The following ANGPT1 variants were observed in gnomAD, a reference collection of about 807,000 sequenced individuals.
The protein encoded by ANGPT1 is angiopoietin-1.
Under a neutral mutation model 62.2 loss-of-function variants are expected in ANGPT1, and 17 were observed. The observed-to-expected ratio is 0.27, with a 90% CI of 0.19 to 0.41. The LOEUF (loss-of-function observed/expected upper bound fraction) is 0.41. ANGPT1 is among the 10% of genes least tolerant of loss of function. ANGPT1 has a pLI of 1.00. For synonymous variants in ANGPT1, 199 were observed against 198.9 expected (o/e 1.00, Z 0.00); for missense variants, 478 against 594.9 (o/e 0.80, Z 2.04).
chr8:107,460,418 A>G (rs1197529278), intron 1 of ANGPT1, among the ~76,000 whole-genome samples: 1 of 152,156 alleles, frequency 6.6e-6, no homozygotes, highest in Non-Finnish European at 1.5e-5. Flanking sequence ...ATAAAACTAA[A>G]AATGAAATTA....
At chr8:107,440,337 A>C (rs760944059) in intron 1 of ANGPT1, among the ~76,000 whole-genome samples, 1 of 152,148 alleles carries the variant, frequency 6.6e-6, no homozygotes, top group Non-Finnish European at 1.5e-5. Context: ...CAAATTTTAC[A>C]CACTTACTCA....
chr8:107,302,068 T>C (rs1814604903), intron 5 of ANGPT1, among the ~76,000 whole-genome samples: 1 of 151,930 alleles, frequency 6.6e-6, no homozygotes, highest in Non-Finnish European at 1.5e-5. Context: ...AGCAGGTCAC[T>C]TACTCATTTA....
At chr8:107,471,860 C>G (rs1380897607) in intron 1 of ANGPT1, among the ~76,000 whole-genome samples, 1 of 152,022 alleles carries the variant, frequency 6.6e-6, no homozygotes, top group Non-Finnish European at 1.5e-5. Context: ...TTCAGAGCAG[C>G]AAACATAGGA....
chr8:107,439,465 A>C (rs1005627303), intron 1 of ANGPT1, among the ~76,000 whole-genome samples: 1 of 152,222 alleles, frequency 6.6e-6, no homozygotes, highest in African/African-American at 2.4e-5. Flanking sequence ...CACAGGGACA[A>C]GAGCCATCTT....
At chr8:107,443,837 G>C (rs1013160695) in intron 1 of ANGPT1, among the ~76,000 whole-genome samples, 3 of 138,642 alleles carry the variant, frequency 2.2e-5, no homozygotes, top group African/African-American at 8.0e-5. Context: ...AAAAAAAAAA[G>C]TATACTAGTA....
intron 1 of ANGPT1, among the ~76,000 whole-genome samples, chr8:107,424,160 TAA>T (rs11400808): frequency 6.7e-6 from 1 of 149,806 alleles, no homozygotes; most frequent in African/African-American, 2.5e-5. Context: ...CTTATTAAGT[TAA>T]AAAAAAAAAT....
At chr8:107,370,974 A>G (rs2130243101) in intron 1 of ANGPT1, among the ~76,000 whole-genome samples, 1 of 148,350 alleles carries the variant, frequency 6.7e-6, no homozygotes, top group Non-Finnish European at 1.5e-5. Flanking sequence ...ATTTGTTTAA[A>G]AAAAAAAAAA....
At chr8:107,324,187 G>GTA (rs1815227701) in intron 3 of ANGPT1, among the ~76,000 whole-genome samples, 1 of 105,962 alleles carries the variant, frequency 9.4e-6, no homozygotes, top group Non-Finnish European at 1.8e-5. Context: ...GTGTGTGTGT[G>GTA]TATATATGTA....
intron 4 of ANGPT1, among the ~76,000 whole-genome samples, chr8:107,321,653 A>G (rs1442555529): frequency 6.6e-6 from 1 of 152,182 alleles, no homozygotes; most frequent in Non-Finnish European, 1.5e-5. Flanking sequence ...AGACAAAGAA[A>G]GAAGAAATTA....
intron 5 of ANGPT1, among the ~76,000 whole-genome samples, chr8:107,299,416 T>C (rs865980756): frequency 7.7e-6 from 1 of 129,964 alleles, no homozygotes; most frequent in Non-Finnish European, 1.6e-5. Context: ...TATATATATA[T>C]ATATAAACAT....
chr8:107,270,945 T>C (rs1315794913), intron 7 of ANGPT1, among the ~76,000 whole-genome samples: 1 of 152,004 alleles, frequency 6.6e-6, no homozygotes, highest in Non-Finnish European at 1.5e-5. Context: ...TAAAGACTTA[T>C]AGATATCTAA....
At chr8:107,334,671 T>G (rs1371007735) in intron 3 of ANGPT1, among the ~76,000 whole-genome samples, 1 of 152,218 alleles carries the variant, frequency 6.6e-6, no homozygotes, top group African/African-American at 2.4e-5. Context: ...AAATAGCATC[T>G]TGAAATATGA....
chr8:107,478,633 G>A (rs1168145502), intron 1 of ANGPT1, among the ~76,000 whole-genome samples: 1 of 152,132 alleles, frequency 6.6e-6, no homozygotes, highest in African/African-American at 2.4e-5. Context: ...TCATAAAAGA[G>A]AAAATGTTTA....
rs142628033 is a variant in ANGPT1, at chr8:107,270,078, T to G, written c.1206-5727A>C. Reference sequence around the variant, plus strand: ...GAACAGGCTTCAAAATATTCCTATATATCATCCAAGAGATTCTAGAACTTT... The same window carrying G: ...GAACAGGCTTCAAAATATTCCTATAGATCATCCAAGAGATTCTAGAACTTT... On this transcript the variant is annotated intron_variant, in intron 7 of 8. Coordinates refer to ENST00000517746, the MANE Select transcript of ANGPT1 (RefSeq NM_001146.5). Among the ~76,000 whole-genome samples, 387 of 152,166 alleles carry G rather than the reference T, an allele frequency of 2.5e-3. 2 individuals carry two copies. The highest frequency in any genetic ancestry group is 9.0e-3 in the African/African-American group (373 of 41,560).
intron 1 of ANGPT1, among the ~76,000 whole-genome samples, chr8:107,493,211 T>G (rs1263932659): frequency 6.6e-6 from 1 of 150,544 alleles, no homozygotes; most frequent in Non-Finnish European, 1.5e-5. Flanking sequence ...TTACTACACT[T>G]GAGGAACTCA....
rs199619266 is a variant in ANGPT1, at chr8:107,466,906, A to AG, written c.297+30355_297+30356insC. Among the ~76,000 whole-genome samples the AG allele has an allele frequency of 2.0e-5, 3 of 150,096 alleles. No homozygotes were observed. In the East Asian group the frequency reaches 5.9e-4, roughly 29 times the overall value. ...CAGCCTGGGCAACAAGCTCCATCTC[A>AG]AAAAAAAAAATTATAATCGAGAAAT... On this transcript the variant is annotated intron_variant, in intron 1 of 8. Transcript: ENST00000517746.
At chr8:107,412,802 G>A (rs1019944989) in intron 1 of ANGPT1, among the ~76,000 whole-genome samples, 13 of 152,126 alleles carry the variant, frequency 8.5e-5, no homozygotes, top group Non-Finnish European at 1.2e-4. Flanking sequence ...GTCAAGGAAG[G>A]GCTCTTTGGT....
chr8:107,418,899 AGG>A (rs1491506014), intron 1 of ANGPT1, among the ~76,000 whole-genome samples: 1 of 152,186 alleles, frequency 6.6e-6, no homozygotes, highest in African/African-American at 2.4e-5. Flanking sequence ...TCTCAAAATC[AGG>A]GGAAAAAATC....
intron 1 of ANGPT1, among the ~76,000 whole-genome samples, chr8:107,466,111 G>A (rs537998000): frequency 4.6e-5 from 7 of 152,236 alleles, no homozygotes; most frequent in East Asian, 1.9e-4. Context: ...TTTGTATGGC[G>A]GAAGAAGATG....
Sources: gnomAD v4.1 joint callset for allele counts (sites outside exome capture counted in the v4.1 genomes callset) on GRCh38, gnomAD v4.1.1 for gene constraint, MANE v1.5 for transcripts, NCBI Gene and HGNC (gene_info 2026-07-23, HGNC 2026-07-21) for gene names.